Variants in ADCY8 observed in about 807,000 individuals in gnomAD.
ADCY8 encodes adenylate cyclase type 8.
In ADCY8, 51 loss-of-function variants were observed where a neutral mutation model predicts 119.7. That is an observed-to-expected ratio of 0.43 (90% CI 0.34 to 0.54). The LOEUF (loss-of-function observed/expected upper bound fraction) is 0.54. Among genes scored for constraint, ADCY8 ranks in the 20% least tolerant of loss-of-function variants. The pLI is 0.03. For missense variants in ADCY8, 1,383 were observed against 1,598.8 expected (o/e 0.87, Z 2.30); for synonymous variants, 665 against 651.0 (o/e 1.02, Z -0.33).
At chr8:131,001,780 C>T (rs1822956100) in intron 1 of ADCY8, among the ~76,000 whole-genome samples, 1 of 151,972 alleles carries the variant, frequency 6.6e-6, no homozygotes, top group South Asian at 2.1e-4. Flanking sequence ...AAATGATGCA[C>T]CATGGATGTT....
At chr8:130,821,493 A>G (rs945219327) in intron 12 of ADCY8, 73 bp from the exon 13 acceptor site, 3 of 1,138,088 alleles carry the variant, frequency 2.6e-6, no homozygotes, top group African/African-American at 1.5e-5. Flanking sequence ...TGAGGTTCAG[A>G]AAGGAGTGGT....
chr8:130,885,437 G>C (rs900659989), intron 7 of ADCY8, among the ~76,000 whole-genome samples: 20 of 152,158 alleles, frequency 1.3e-4, no homozygotes, highest in Admixed American at 1.2e-3. Flanking sequence ...CCATTTCACA[G>C]GGTTACACAG....
chr8:130,980,673 T>A (rs555897173), intron 2 of ADCY8, among the ~76,000 whole-genome samples: 3 of 152,334 alleles, frequency 2.0e-5, no homozygotes, highest in Admixed American at 2.0e-4. Context: ...GAAAGATCAA[T>A]ACTTGTTGAG....
At chr8:130,913,015 AAGTGTAT>A (rs1434540528) in intron 5 of ADCY8, among the ~76,000 whole-genome samples, 1 of 152,146 alleles carries the variant, frequency 6.6e-6, no homozygotes, top group Non-Finnish European at 1.5e-5. Flanking sequence ...TATACTATTC[AAGTGTAT>A]AGTAGGATTG....
At chr8:130,808,132 T>A (rs1402419513) in intron 14 of ADCY8, among the ~76,000 whole-genome samples, 1 of 152,068 alleles carries the variant, frequency 6.6e-6, no homozygotes, top group East Asian at 1.9e-4. Context: ...CCTCATCAAA[T>A]TCATCATTCT....
intron 1 of ADCY8, 40 bp downstream of exon 1, chr8:131,039,334 A>G: frequency 6.3e-7 from 1 of 1,599,338 alleles, no homozygotes; most frequent in Non-Finnish European, 8.5e-7. Flanking sequence ...TAACCCGGGG[A>G]AGTTAGAGGG....
intron 2 of ADCY8, among the ~76,000 whole-genome samples, chr8:130,974,169 T>C (rs1456235375): frequency 6.6e-6 from 1 of 152,254 alleles, no homozygotes; most frequent in African/African-American, 2.4e-5. Context: ...TCCACCTCCC[T>C]AACTTCTGAG....
chr8:130,869,768 C>T (rs1184902184), intron 8 of ADCY8, among the ~76,000 whole-genome samples: 7 of 152,010 alleles, frequency 4.6e-5, no homozygotes, highest in Non-Finnish European at 7.4e-5. Flanking sequence ...CCACCTGCCT[C>T]GGCCTCCCAA....
chr8:130,871,287 C>A (rs1162452228), intron 8 of ADCY8, among the ~76,000 whole-genome samples: 1 of 152,172 alleles, frequency 6.6e-6, no homozygotes, highest in Non-Finnish European at 1.5e-5. Context: ...CATCTCTGTT[C>A]TGTCCTCACC....
chr8:130,806,620 T>C (rs1164154247), intron 14 of ADCY8, among the ~76,000 whole-genome samples: 2 of 152,120 alleles, frequency 1.3e-5, no homozygotes, highest in Non-Finnish European at 1.5e-5. Flanking sequence ...TCGTTTGACA[T>C]TGGAGGCAGC....
chr8:130,965,318 C>T lies in ADCY8; in HGVS notation c.1111-13320G>A, dbSNP rs117047924. 5.0e-3 allele frequency among the ~76,000 whole-genome samples: 768 copies of T among 152,144 alleles called. 3 individuals carry two copies. Among genetic ancestry groups the T allele is most frequent in the Admixed American group, 7.3e-3 (111 of 15,278 alleles). On this transcript the variant is annotated intron_variant, in intron 2 of 17. Transcript: ENST00000286355. ...TGGGCACAAAGATGGAAATAATAGA[C>T]ACTAGGGACTCCAAAAGGGAGGATG...
intron 1 of ADCY8, among the ~76,000 whole-genome samples, chr8:130,997,131 ATC>A (rs1028717382): frequency 1.1e-4 from 16 of 152,176 alleles, no homozygotes; most frequent in Admixed American, 1.3e-4. Flanking sequence ...ACATTAGCAA[ATC>A]TCTGATGAAT....
intron 2 of ADCY8, among the ~76,000 whole-genome samples, chr8:130,955,866 C>T (rs190377068): frequency 1.1e-4 from 17 of 151,830 alleles, no homozygotes; most frequent in African/African-American, 2.7e-4. Flanking sequence ...AGAGCCAGGC[C>T]GAGTGTGGTT....
intron 11 of ADCY8, among the ~76,000 whole-genome samples, chr8:130,838,194 A>T (rs1391890557): frequency 1.3e-5 from 2 of 152,078 alleles, no homozygotes; most frequent in Non-Finnish European, 2.9e-5. Flanking sequence ...GAGTGTCCTG[A>T]CTGTGTTCTC....
At chr8:130,848,006 A>C (rs1189158039) in intron 10 of ADCY8, among the ~76,000 whole-genome samples, 1 of 152,220 alleles carries the variant, frequency 6.6e-6, no homozygotes, top group Non-Finnish European at 1.5e-5. Context: ...TAGGAAAAGA[A>C]TAACTACCAT....
intron 14 of ADCY8, among the ~76,000 whole-genome samples, chr8:130,807,983 C>CAAAAAAAAAAAAAA (rs752321769): frequency 1.1e-4 from 5 of 47,238 alleles, no homozygotes; most frequent in Non-Finnish European, 1.6e-4. Flanking sequence ...GACTCCGTCT[C>CAAAAAAAAAAAAAA]AAAAAAAAAA....
chr8:131,002,665 TA>T (rs34152328), intron 1 of ADCY8, among the ~76,000 whole-genome samples: 1,521 of 140,328 alleles, frequency 0.011, 21 homozygotes, highest in African/African-American at 0.032. Flanking sequence ...TAAGAAAAGG[TA>T]AAAAAAAAAA....
intron 8 of ADCY8, among the ~76,000 whole-genome samples, chr8:130,869,980 C>T (rs1444510574): frequency 2.9e-5 from 4 of 138,920 alleles, no homozygotes; most frequent in African/African-American, 1.1e-4. Context: ...CTTCTTCCTC[C>T]TCCTCCTCCT....
intron 11 of ADCY8, among the ~76,000 whole-genome samples, chr8:130,846,044 T>C (rs1194768784): frequency 6.6e-6 from 1 of 152,130 alleles, no homozygotes; most frequent in Admixed American, 6.6e-5. Context: ...AGGTGCTCTA[T>C]GCAAATGGAC....
Sources: allele counts gnomAD v4.1 joint callset (sites outside exome capture counted in the v4.1 genomes callset), GRCh38; gene constraint gnomAD v4.1.1; transcripts MANE v1.5; gene names NCBI Gene and HGNC (gene_info 2026-07-23, HGNC 2026-07-21).